ADCY2: variants seen among roughly 807,000 people sequenced by gnomAD.
ADCY2 encodes adenylate cyclase type 2.
A neutral mutation model predicts 125.2 loss-of-function variants in ADCY2; 31 were observed. The ratio of observed to expected loss-of-function variants is 0.25; its 90% CI spans 0.19 to 0.33. The LOEUF is 0.33. Ranked by LOEUF, ADCY2 falls within the 10% of genes least tolerant of loss-of-function variation. The pLI is 1.00. For missense variants in ADCY2, 904 were observed against 1,418.2 expected (o/e 0.64, Z 5.82); for synonymous variants, 512 against 548.4 (o/e 0.93, Z 0.93).
rs181796417 is a variant in ADCY2, at chr5:7,635,024, G to A, written c.720+8708G>A. On this transcript the variant is annotated intron_variant, in intron 4 of 24. Coordinates refer to ENST00000338316, the MANE Select transcript of ADCY2 (RefSeq NM_020546.3). ...GAGAAAAATGTTCCCAGCAAAAGAA[G>A]TGGGAACTACCAAGGTCCTGAGTCA... is the stretch of plus-strand genomic sequence containing the variant. Among the ~76,000 whole-genome samples the A allele has an allele frequency of 5.5e-3, 832 of 152,278 alleles. 11 individuals carry two copies. Among genetic ancestry groups the A allele is most frequent in the Non-Finnish European group, 5.0e-3 (340 of 68,018 alleles).
intron 2 of ADCY2, among the ~76,000 whole-genome samples, chr5:7,420,156 TG>T (rs1422194860): frequency 2.0e-5 from 3 of 152,118 alleles, no homozygotes; most frequent in South Asian, 2.1e-4. Flanking sequence ...GGGCAGAAGC[TG>T]GGGATGCTGC....
In ADCY2 at chr5:7,523,380, C is replaced by T. The variant is rs1322287317; in HGVS notation, c.570+2481C>T. Among the ~76,000 whole-genome samples, 7 of 149,274 alleles carry T rather than the reference C, an allele frequency of 4.7e-5. No homozygotes were observed. In the East Asian group the frequency reaches 7.7e-4, roughly 17 times the overall value. On this transcript the variant is annotated intron_variant, in intron 3 of 24. Transcript: ENST00000338316. ...TTTTTATTTACTCAGTTTCAAAAAC[C>T]GACAAAGAAAAATACATCTTATCAG...
intron 3 of ADCY2, among the ~76,000 whole-genome samples, chr5:7,562,093 A>T (rs1469941203): frequency 6.6e-6 from 1 of 152,086 alleles, no homozygotes; most frequent in Admixed American, 6.6e-5. Context: ...ATTTTCTAAA[A>T]TTATGTTTTT....
At chr5:7,632,516 T>C (rs764923885) in intron 4 of ADCY2, among the ~76,000 whole-genome samples, 17 of 152,192 alleles carry the variant, frequency 1.1e-4, no homozygotes, top group Non-Finnish European at 2.4e-4. Flanking sequence ...GTTATTGCTT[T>C]TATCTCAACT....
At chr5:7,763,030 T>G (rs1170393460) in intron 16 of ADCY2, among the ~76,000 whole-genome samples, 1 of 147,318 alleles carries the variant, frequency 6.8e-6, no homozygotes, top group African/African-American at 2.5e-5. Flanking sequence ...AGAGGAAGAG[T>G]GCTTTCATTT....
At chr5:7,591,694 G>A (rs1347219637) in intron 3 of ADCY2, among the ~76,000 whole-genome samples, 1 of 152,134 alleles carries the variant, frequency 6.6e-6, no homozygotes, top group Non-Finnish European at 1.5e-5. Flanking sequence ...CCTCAAACCA[G>A]GAGAGCCAGA....
At chr5:7,579,997 G>C (rs1736375238) in intron 3 of ADCY2, among the ~76,000 whole-genome samples, 1 of 152,224 alleles carries the variant, frequency 6.6e-6, no homozygotes, top group African/African-American at 2.4e-5. Flanking sequence ...ATGATCCTAA[G>C]TGAATCGACA....
intron 2 of ADCY2, among the ~76,000 whole-genome samples, chr5:7,495,979 G>A (rs1273795822): frequency 2.0e-5 from 3 of 152,188 alleles, no homozygotes; most frequent in Admixed American, 2.0e-4. Context: ...CATTGTAAGT[G>A]CAGTTCTCCT....
At chr5:7,759,561 G>C (rs768958197) in intron 16 of ADCY2, among the ~76,000 whole-genome samples, 2 of 152,192 alleles carry the variant, frequency 1.3e-5, no homozygotes, top group Non-Finnish European at 2.9e-5. Context: ...GGCACGAAGT[G>C]GGTCTCCCCT....
intron 4 of ADCY2, among the ~76,000 whole-genome samples, chr5:7,665,649 C>A (rs530442835): frequency 2.0e-5 from 3 of 152,006 alleles, no homozygotes; most frequent in African/African-American, 7.2e-5. Context: ...TTGAACCCAA[C>A]TGGTCTCTCC....
chr5:7,459,727 C>A (rs1293025106), intron 2 of ADCY2, among the ~76,000 whole-genome samples: 3 of 147,368 alleles, frequency 2.0e-5, no homozygotes, highest in Non-Finnish European at 4.5e-5. Flanking sequence ...CAACATATAA[C>A]CTTAATAAGT....
intron 3 of ADCY2, among the ~76,000 whole-genome samples, chr5:7,612,863 A>G (rs1737613332): frequency 6.6e-6 from 1 of 152,116 alleles, no homozygotes; most frequent in African/African-American, 2.4e-5. Flanking sequence ...GAAAATACAA[A>G]GAATTAGCCA....
rs552579545 is a variant in ADCY2, at chr5:7,504,090, T to C, written c.409-16648T>C. ...GAGGTATTTCAGCTGCCCTGGCTTCTGGGATTGAGAAAAACATCTGGTGGG... is the reference window on the plus strand; with the variant it reads ...GAGGTATTTCAGCTGCCCTGGCTTCCGGGATTGAGAAAAACATCTGGTGGG... On this transcript the variant is annotated intron_variant, in intron 2 of 24. Transcript: ENST00000338316. 2.0e-5 allele frequency among the ~76,000 whole-genome samples: 3 copies of C among 152,238 alleles called. No individual in the cohort carries two copies. The East Asian group carries it at 5.8e-4, about 29-fold the overall frequency.
chr5:7,531,885 C>T (rs1309541026), intron 3 of ADCY2, among the ~76,000 whole-genome samples: 7 of 152,190 alleles, frequency 4.6e-5, no homozygotes, highest in African/African-American at 1.7e-4. Flanking sequence ...CAACCCAACA[C>T]GGATACTAAC....
chr5:7,626,583 G>A (rs111704900), intron 4 of ADCY2, among the ~76,000 whole-genome samples: 271 of 152,242 alleles, frequency 1.8e-3, no homozygotes, highest in African/African-American at 6.0e-3. Context: ...TCTACTTCTC[G>A]TGAATGCCTT....
chr5:7,638,931 G>A (rs1738599258), intron 4 of ADCY2, among the ~76,000 whole-genome samples: 1 of 152,118 alleles, frequency 6.6e-6, no homozygotes. Flanking sequence ...CTGTTCTCAT[G>A]ATAGTGAATA....
chr5:7,782,717 G>A (rs1743956204), intron 18 of ADCY2, among the ~76,000 whole-genome samples: 1 of 152,224 alleles, frequency 6.6e-6, no homozygotes, highest in African/African-American at 2.4e-5. Flanking sequence ...GATGTTAGCT[G>A]TGTGGTACCA....
intron 1 of ADCY2, among the ~76,000 whole-genome samples, chr5:7,406,000 A>G (rs1246875925): frequency 1.3e-5 from 2 of 151,734 alleles, no homozygotes; most frequent in African/African-American, 4.8e-5. Context: ...GCTGGGACGC[A>G]GGTGTGTGCC....
chr5:7,616,857 TG>T (rs1319190721), intron 3 of ADCY2, among the ~76,000 whole-genome samples: 2 of 152,100 alleles, frequency 1.3e-5, no homozygotes, highest in Admixed American at 1.3e-4. Context: ...ATCTTTAGGG[TG>T]GGCCCTAATG....
Sources: gnomAD v4.1 joint callset for allele counts (sites outside exome capture counted in the v4.1 genomes callset) on GRCh38, gnomAD v4.1.1 for gene constraint, MANE v1.5 for transcripts, NCBI Gene and HGNC (gene_info 2026-07-23, HGNC 2026-07-21) for gene names.